Variants in SKI observed in about 807,000 individuals in gnomAD.
SKI encodes the protein ski oncogene.
In SKI, 23 loss-of-function variants were observed where a neutral mutation model predicts 59.3. That is an observed-to-expected ratio of 0.39 (90% CI 0.28 to 0.55). SKI has a LOEUF of 0.55. SKI is among the 20% of genes least tolerant of loss of function. SKI has a pLI of 0.67. For missense variants in SKI, 1,017 were observed against 1,038.9 expected, an observed-to-expected ratio of 0.98 and a Z score of 0.29; for synonymous variants, 673 against 488.6, an observed-to-expected ratio of 1.38 and a Z score of -4.98.
chr1:2,241,936 C>A (rs990991613), intron 1 of SKI, among the ~76,000 whole-genome samples: 10 of 150,324 alleles, frequency 6.7e-5, no homozygotes, highest in African/African-American at 2.2e-4. Context: ...ATGGGTCTTC[C>A]GTGCATGCCT....
chr1:2,237,402 T>G (rs530938169), intron 1 of SKI, among the ~76,000 whole-genome samples: 3 of 152,158 alleles, frequency 2.0e-5, no homozygotes, highest in Admixed American at 6.5e-5. Context: ...GATGTCAGTC[T>G]TCTTCTACAG....
At chr1:2,291,869 A>G (rs1254658568) in intron 1 of SKI, among the ~76,000 whole-genome samples, 1 of 152,212 alleles carries the variant, frequency 6.6e-6, no homozygotes, top group African/African-American at 2.4e-5. Flanking sequence ...ATCCGAGTGA[A>G]CCTTTAAAGC....
chr1:2,287,461 C>G (rs1373598845), intron 1 of SKI, among the ~76,000 whole-genome samples: 1 of 151,762 alleles, frequency 6.6e-6, no homozygotes, highest in East Asian at 1.9e-4. Flanking sequence ...CTCAGCCTCC[C>G]GAGTAGCTGG....
At chr1:2,279,353 T>G (rs1452171356) in intron 1 of SKI, among the ~76,000 whole-genome samples, 1 of 152,036 alleles carries the variant, frequency 6.6e-6, no homozygotes, top group African/African-American at 2.4e-5. Flanking sequence ...CCAGCCCCTC[T>G]CGGGGCATCG....
chr1:2,258,735 A>G (rs1420533574), intron 1 of SKI, among the ~76,000 whole-genome samples: 1 of 151,954 alleles, frequency 6.6e-6, no homozygotes, highest in Non-Finnish European at 1.5e-5. Flanking sequence ...TTTAATTTTT[A>G]GTAGAGACGG....
chr1:2,260,544 T>TTTTTTATTTTTTA (rs1639366405), intron 1 of SKI, among the ~76,000 whole-genome samples: 1 of 128,718 alleles, frequency 7.8e-6, no homozygotes, highest in Non-Finnish European at 1.6e-5. Flanking sequence ...TCTTTTTTTT[T>TTTTTTATTTTTTA]TTTTTTTTTT....
At chr1:2,258,838 T>C (rs1639326972) in intron 1 of SKI, among the ~76,000 whole-genome samples, 1 of 152,168 alleles carries the variant, frequency 6.6e-6, no homozygotes, top group Non-Finnish European at 1.5e-5. Flanking sequence ...TGAGCCACCG[T>C]GCCTGGCGGG....
intron 1 of SKI, among the ~76,000 whole-genome samples, chr1:2,290,573 A>AG (rs113561641): frequency 0.023 from 3,560 of 152,280 alleles, 139 homozygotes; most frequent in African/African-American, 0.082. Flanking sequence ...TGACCTCATC[A>AG]GGGGCTCCCC....
chr1:2,305,643 G>A (rs927704403), intron 5 of SKI, among the ~76,000 whole-genome samples: 2 of 152,134 alleles, frequency 1.3e-5, no homozygotes, highest in African/African-American at 4.8e-5. Flanking sequence ...GGGGAGACCC[G>A]GGGCCCTCAG....
chr1:2,283,593 G>T (rs1639964354), intron 1 of SKI, among the ~76,000 whole-genome samples: 1 of 152,242 alleles, frequency 6.6e-6, no homozygotes, highest in Admixed American at 6.5e-5. Flanking sequence ...TTGGCTTGGG[G>T]TCTCTGTGTC....
chr1:2,255,276 C>T (rs1256369383), intron 1 of SKI, among the ~76,000 whole-genome samples: 1 of 152,086 alleles, frequency 6.6e-6, no homozygotes, highest in Non-Finnish European at 1.5e-5. Context: ...TGGTGCTTGA[C>T]CTCAGTCCAG....
At chr1:2,272,448 G>A (rs1352442387) in intron 1 of SKI, among the ~76,000 whole-genome samples, 1 of 152,216 alleles carries the variant, frequency 6.6e-6, no homozygotes, top group Non-Finnish European at 1.5e-5. Flanking sequence ...GACGGCCCTG[G>A]CCCAGCGTCT....
At chr1:2,256,214 C>G (rs1639271887) in intron 1 of SKI, among the ~76,000 whole-genome samples, 2 of 151,934 alleles carry the variant, frequency 1.3e-5, no homozygotes, top group South Asian at 4.2e-4. Context: ...GTCTGGAGCA[C>G]TCTGTCCTGA....
chr1:2,302,994 C>A lies in SKI; in HGVS notation c.986C>A (p.Pro329Gln). Residue 329 changes from proline to glutamine, a missense_variant, in exon 2 of 7, where the codon CCG (proline) becomes CAG (glutamine). Pro to Gln is a moderately conservative substitution (Grantham distance 76). Transcript: ENST00000378536. ...TGATCGCAGGTCTCCTCTGAGCCTC[C>A]GGCCTCCATAAGACCCAAAACAGAT... ...RRVPRVSSEP[P>Q]ASIRPKTDDT... is the part of the protein sequence containing the mutation. 6.2e-7 allele frequency: 1 copy of A among 1,613,590 alleles called. No individual in the cohort carries two copies. The highest frequency in any genetic ancestry group is 8.5e-7 in the Non-Finnish European group (1 of 1,180,028).
chr1:2,250,047 G>GGCGC (rs1639098765), intron 1 of SKI, among the ~76,000 whole-genome samples: 1 of 152,110 alleles, frequency 6.6e-6, no homozygotes, highest in African/African-American at 2.4e-5. Flanking sequence ...TGGGATTACA[G>GGCGC]GCGCCCGCCC....
intron 1 of SKI, among the ~76,000 whole-genome samples, chr1:2,250,999 A>G (rs1302562395): frequency 6.6e-6 from 1 of 152,176 alleles, no homozygotes; most frequent in Non-Finnish European, 1.5e-5. Context: ...GCCGAGGGGA[A>G]CTTTGGACCC....
At chr1:2,299,163 G>A (rs1482143057) in intron 1 of SKI, among the ~76,000 whole-genome samples, 1 of 152,268 alleles carries the variant, frequency 6.6e-6, no homozygotes, top group Admixed American at 6.5e-5. Context: ...GGGATGCGGC[G>A]TTGAGCCCCG....
At chr1:2,255,737 C>T (rs1028650983) in intron 1 of SKI, among the ~76,000 whole-genome samples, 3 of 151,700 alleles carry the variant, frequency 2.0e-5, no homozygotes, top group Admixed American at 2.0e-4. Flanking sequence ...ATATCATTTC[C>T]TGTCTGTGCC....
At chr1:2,287,972 TTTTTC>T (rs1464206509) in intron 1 of SKI, among the ~76,000 whole-genome samples, 1 of 151,984 alleles carries the variant, frequency 6.6e-6, no homozygotes, top group African/African-American at 2.4e-5. Flanking sequence ...TCGTCTGTCT[TTTTTC>T]TTTTCTTTCT....
Sources: allele counts gnomAD v4.1 joint callset (sites outside exome capture counted in the v4.1 genomes callset), GRCh38; gene constraint gnomAD v4.1.1; transcripts MANE v1.5; gene names NCBI Gene and HGNC (gene_info 2026-07-23, HGNC 2026-07-21).